SPIN1: variants seen among roughly 807,000 people sequenced by gnomAD.
SPIN1 encodes the protein spindlin 1.
Under a neutral mutation model 26.0 loss-of-function variants are expected in SPIN1, and 3 were observed. The observed-to-expected ratio is 0.12, with a 90% CI of 0.05 to 0.30. The LOEUF (loss-of-function observed/expected upper bound fraction) is 0.30, where lower values mean the gene tolerates loss of function less well. Among genes scored for constraint, SPIN1 ranks in the 10% least tolerant of loss-of-function variants. The pLI is 1.00. For synonymous variants in SPIN1, 101 were observed against 116.5 expected (o/e 0.87, Z 0.86); for missense variants, 126 against 333.4 (o/e 0.38, Z 4.84).
At chr9:88,455,916 G>A (rs1014935800) in intron 3 of SPIN1, among the ~76,000 whole-genome samples, 7 of 152,196 alleles carry the variant, frequency 4.6e-5, no homozygotes, top group African/African-American at 1.7e-4. Context: ...CCAGGAGTTT[G>A]AGGACAATTT....
intron 1 of SPIN1, among the ~76,000 whole-genome samples, chr9:88,401,894 A>G (rs1287773041): frequency 1.3e-5 from 2 of 152,348 alleles, no homozygotes; most frequent in South Asian, 4.1e-4. Context: ...AATACATAAT[A>G]TTTTACATCT....
At chr9:88,394,811 T>A (rs1245852907) in intron 1 of SPIN1, among the ~76,000 whole-genome samples, 6 of 143,768 alleles carry the variant, frequency 4.2e-5, no homozygotes, top group Non-Finnish European at 7.6e-5. Flanking sequence ...TTAATGTATT[T>A]TTTTTTTTTT....
chr9:88,444,929 C>T (rs964207709), intron 2 of SPIN1, among the ~76,000 whole-genome samples: 11 of 152,180 alleles, frequency 7.2e-5, no homozygotes, highest in Middle Eastern at 3.4e-3. Flanking sequence ...CTCCTGACCT[C>T]GTGATCCGCC....
chr9:88,392,620 TTTCCTTCCTTCC>T (rs562738823), intron 1 of SPIN1, among the ~76,000 whole-genome samples: 25 of 152,038 alleles, frequency 1.6e-4, no homozygotes, highest in African/African-American at 5.1e-4. Flanking sequence ...TCCTTCCTTC[TTTCCTTCCTTCC>T]TTCCTTCCTC....
At chr9:88,473,874 C>A (rs574701393) in intron 5 of SPIN1, among the ~76,000 whole-genome samples, 46 of 152,206 alleles carry the variant, frequency 3.0e-4, no homozygotes, top group African/African-American at 1.0e-3. Context: ...TATGATGATA[C>A]TGCTTAAGGG....
chr9:88,390,333 GC>G (rs1826893158), intron 1 of SPIN1, among the ~76,000 whole-genome samples: 1 of 152,166 alleles, frequency 6.6e-6, no homozygotes, highest in Non-Finnish European at 1.5e-5. Flanking sequence ...ATATTGATGT[GC>G]CTGATGTGTG....
intron 1 of SPIN1, among the ~76,000 whole-genome samples, chr9:88,412,918 G>A (rs951483465): frequency 6.6e-6 from 1 of 150,958 alleles, no homozygotes; most frequent in African/African-American, 2.4e-5. Flanking sequence ...TCCTAACCTC[G>A]TGATCCGCCC....
At chr9:88,417,856 AT>A (rs1827597491) in intron 1 of SPIN1, among the ~76,000 whole-genome samples, 1 of 152,154 alleles carries the variant, frequency 6.6e-6, no homozygotes, top group Non-Finnish European at 1.5e-5. Context: ...AGGTTTTGTA[AT>A]TTGCTAGAAT....
At chr9:88,418,917 A>G (rs141435006) in intron 1 of SPIN1, 325 of 152,304 alleles carry the variant, frequency 2.1e-3, no homozygotes, top group African/African-American at 7.0e-3. Context: ...AGTGCATGAC[A>G]CATAGCGAGT....
rs60571153 is a variant in SPIN1 at position 88,441,398 on chromosome 9, CGT to C, written c.53-7527_53-7526del. Among the ~76,000 whole-genome samples, 62 of 137,774 alleles carry C rather than the reference CGT, an allele frequency of 4.5e-4. 1 individual carries two copies. The highest frequency in any genetic ancestry group is 2.8e-3 in the East Asian group (14 of 4,968). 90.4% of individuals were successfully genotyped at this position (137,774 alleles called of 152,430 possible). On this transcript the variant is annotated intron_variant, in intron 2 of 5. Coordinates refer to ENST00000375859, the MANE Select transcript of SPIN1 (RefSeq NM_006717.3). ...TGGTTGTATCATCATTGCTGCCATT[CGT>C]GTGTGTGTGTGTGTGCGCGCGCGCG... is the stretch of plus-strand genomic sequence containing the variant.
intron 3 of SPIN1, among the ~76,000 whole-genome samples, chr9:88,452,445 G>A: frequency 6.6e-6 from 1 of 152,176 alleles, no homozygotes; most frequent in South Asian, 2.1e-4. Flanking sequence ...GGTAACTCTT[G>A]GTGCGGGCAT....
At chr9:88,458,419 C>T (rs1828515129) in intron 3 of SPIN1, among the ~76,000 whole-genome samples, 1 of 152,162 alleles carries the variant, frequency 6.6e-6, no homozygotes, top group Non-Finnish European at 1.5e-5. Context: ...TGGCCAGATA[C>T]AAGCCCCTTG....
Position 88,475,833 on chromosome 9 carries a change from T to G in SPIN1, c.*556T>G, listed in dbSNP as rs1273142126. The G allele has an allele frequency of 6.6e-6, 1 of 152,070 alleles. No individual in the cohort carries two copies. The highest frequency in any genetic ancestry group is 2.4e-5 in the African/African-American group (1 of 41,370). The allele number at this position is 152,070 out of a possible 1,614,324, so 9.4% of individuals were successfully genotyped here. A position where few individuals can be genotyped will look rare whatever the true frequency, so the allele number is the denominator to read the frequency against. ...GTTTAACAGGAGTGCTTTACCCAAG[T>G]CAGTCATGGATATGATATCACTGCT... On this transcript the variant is annotated 3_prime_UTR_variant, in exon 6 of 6. Coordinates refer to ENST00000375859, the MANE Select transcript of SPIN1 (RefSeq NM_006717.3).
At chr9:88,448,737 T>C (rs1270412724) in intron 2 of SPIN1, among the ~76,000 whole-genome samples, 2 of 152,210 alleles carry the variant, frequency 1.3e-5, no homozygotes, top group African/African-American at 4.8e-5. Flanking sequence ...CTGTTGCCTC[T>C]GCTGCTTTGT....
chr9:88,457,080 G>C (rs936851929), intron 3 of SPIN1, among the ~76,000 whole-genome samples: 2 of 152,100 alleles, frequency 1.3e-5, no homozygotes, highest in African/African-American at 2.4e-5. Flanking sequence ...TGATCTAGAA[G>C]TGCTAGCATT....
intron 1 of SPIN1, among the ~76,000 whole-genome samples, chr9:88,421,961 A>T (rs558064394): frequency 6.6e-6 from 1 of 152,110 alleles, no homozygotes; most frequent in African/African-American, 2.4e-5. Flanking sequence ...GCTTTGCGTC[A>T]TATCACATTA....
At chr9:88,441,638 C>G (rs67959979) in intron 2 of SPIN1, among the ~76,000 whole-genome samples, 28,005 of 151,096 alleles carry the variant, frequency 0.19, 3,547 homozygotes, top group African/African-American at 0.35. Flanking sequence ...TCCTGTAGTC[C>G]CAGCTACTTC....
intron 1 of SPIN1, among the ~76,000 whole-genome samples, chr9:88,408,677 T>A (rs1348762558): frequency 7.1e-6 from 1 of 140,280 alleles, no homozygotes; most frequent in African/African-American, 2.6e-5. Flanking sequence ...GCCTGGCCCT[T>A]TTTTTTTTTT....
chr9:88,390,265 C>T (rs1487542840), intron 1 of SPIN1, among the ~76,000 whole-genome samples: 2 of 152,112 alleles, frequency 1.3e-5, no homozygotes, highest in Non-Finnish European at 2.9e-5. Flanking sequence ...CATTGGTGTC[C>T]TTAAAGTGTA....
Sources: allele counts gnomAD v4.1 joint callset (sites outside exome capture counted in the v4.1 genomes callset), GRCh38; gene constraint gnomAD v4.1.1; transcripts MANE v1.5; gene names NCBI Gene and HGNC (gene_info 2026-07-23, HGNC 2026-07-21).